The following CPNE5 variants were observed in gnomAD, a reference collection of about 807,000 sequenced individuals.
CPNE5 encodes the protein copine 5, also known as copine-5.
In CPNE5, 42 loss-of-function variants were observed where a neutral mutation model predicts 81.1. That is an observed-to-expected ratio of 0.52 (90% CI 0.40 to 0.67). The LOEUF is 0.67. Ranked by LOEUF, CPNE5 falls within the 30% of genes least tolerant of loss-of-function variation. CPNE5 has a pLI of 0.00. For missense variants in CPNE5, 612 were observed against 815.5 expected (o/e 0.75, Z 3.04); for synonymous variants, 313 against 321.5 (o/e 0.97, Z 0.28).
At chr6:36,788,600 G>A (rs1768809977) in intron 8 of CPNE5, among the ~76,000 whole-genome samples, 1 of 152,152 alleles carries the variant, frequency 6.6e-6, no homozygotes, top group Non-Finnish European at 1.5e-5. Context: ...AAATAAGAGG[G>A]TCTCGGTAAA....
chr6:36,822,012 G>T, intron 3 of CPNE5, 102 bp downstream of exon 3: 1 of 1,080,708 alleles, frequency 9.3e-7, no homozygotes, highest in Non-Finnish European at 1.3e-6. Flanking sequence ...GGGCTTGGAT[G>T]CTGCAGTTAG....
intron 1 of CPNE5, among the ~76,000 whole-genome samples, chr6:36,834,922 A>C (rs1773340562): frequency 6.6e-6 from 1 of 151,538 alleles, no homozygotes; most frequent in Admixed American, 6.6e-5. Context: ...AGCTGTTCAC[A>C]CCCCTTCTGA....
intron 10 of CPNE5, among the ~76,000 whole-genome samples, chr6:36,774,099 A>T (rs1284565668): frequency 6.8e-6 from 1 of 146,120 alleles, no homozygotes; most frequent in Non-Finnish European, 1.5e-5. Flanking sequence ...AAAAAAAAAA[A>T]TCTGCCAGGC....
chr6:36,795,107 T>C (rs1041827962), intron 6 of CPNE5, among the ~76,000 whole-genome samples: 4 of 152,206 alleles, frequency 2.6e-5, no homozygotes, highest in South Asian at 4.1e-4. Flanking sequence ...CCAAAATTCA[T>C]GTATTGAAAT....
At chr6:36,780,051 G>A (rs543399922) in intron 8 of CPNE5, among the ~76,000 whole-genome samples, 5 of 150,642 alleles carry the variant, frequency 3.3e-5, no homozygotes, top group African/African-American at 9.8e-5. Context: ...TGCAAGCTCC[G>A]CCTCCCAGGT....
intron 8 of CPNE5, among the ~76,000 whole-genome samples, chr6:36,784,868 G>T (rs1368876029): frequency 1.3e-5 from 2 of 151,740 alleles, no homozygotes; most frequent in African/African-American, 4.8e-5. Context: ...GAGCCCAAGA[G>T]GTGGAGGTTG....
intron 10 of CPNE5, among the ~76,000 whole-genome samples, chr6:36,769,977 T>A (rs1175409756): frequency 2.6e-5 from 4 of 152,208 alleles, no homozygotes; most frequent in African/African-American, 9.7e-5. Flanking sequence ...TCATTCAGCA[T>A]CAAGGTGTGA....
chr6:36,748,094 G>A (rs1764384103), intron 15 of CPNE5, 127 bp downstream of exon 15: 4 of 867,500 alleles, frequency 4.6e-6, no homozygotes, highest in South Asian at 4.2e-5. Flanking sequence ...TCCAGACCTA[G>A]GTACATCCTC....
chr6:36,754,025 A>G (rs1449223385), intron 13 of CPNE5, among the ~76,000 whole-genome samples: 1 of 152,114 alleles, frequency 6.6e-6, no homozygotes, highest in African/African-American at 2.4e-5. Flanking sequence ...ATTGTGGTTA[A>G]GGTATTAGGC....
chr6:36,743,568 G>T, intron 20 of CPNE5, 121 bp downstream of exon 20: 1 of 959,064 alleles, frequency 1.0e-6, no homozygotes, highest in Non-Finnish European at 1.6e-6. Flanking sequence ...GGGCCACTTT[G>T]GGGCTCCCAG....
At chr6:36,820,854 G>A (rs1210227757) in intron 3 of CPNE5, among the ~76,000 whole-genome samples, 27 of 152,016 alleles carry the variant, frequency 1.8e-4, no homozygotes, top group Admixed American at 1.6e-3. Context: ...AGCTGAGGCC[G>A]GAGGATCGTT....
intron 1 of CPNE5, among the ~76,000 whole-genome samples, chr6:36,825,940 C>T (rs1027385549): frequency 3.3e-5 from 5 of 152,126 alleles, no homozygotes; most frequent in Non-Finnish European, 5.9e-5. Context: ...ATAAAATCCT[C>T]GAATGTTCAA....
intron 1 of CPNE5, chr6:36,827,292 C>T: frequency 1.0e-6 from 1 of 983,394 alleles, no homozygotes; most frequent in Non-Finnish European, 1.2e-6. Context: ...AACTGCCTGT[C>T]CAGACAGAAC....
chr6:36,836,974 A>T (rs939050827), intron 1 of CPNE5, among the ~76,000 whole-genome samples: 1 of 152,178 alleles, frequency 6.6e-6, no homozygotes, highest in Admixed American at 6.5e-5. Context: ...CAGCTCATGG[A>T]TCATGTCCCC....
intron 1 of CPNE5, among the ~76,000 whole-genome samples, chr6:36,834,090 A>C (rs974739863): frequency 6.7e-6 from 1 of 150,170 alleles, no homozygotes; most frequent in African/African-American, 2.5e-5. Flanking sequence ...AAAAAAAATC[A>C]AAAAAAATTT....
chr6:36,796,594 G>A (rs905079091), intron 6 of CPNE5, among the ~76,000 whole-genome samples: 1 of 152,228 alleles, frequency 6.6e-6, no homozygotes, highest in Non-Finnish European at 1.5e-5. Flanking sequence ...TGTTCCTAGA[G>A]AAAGAATATA....
chr6:36,768,885 G>A (rs1035653082), intron 10 of CPNE5, among the ~76,000 whole-genome samples: 2 of 152,160 alleles, frequency 1.3e-5, no homozygotes, highest in Non-Finnish European at 2.9e-5. Flanking sequence ...CTGTTGCCCC[G>A]AGCAACTGGC....
rs576560168 is a variant in CPNE5 at position 36,746,201 on chromosome 6, A to T, written c.1200+195T>A. ...CAGCTGTGGGCAGGCAGCTTCAGAC[A>T]TGGAGGGGCAGCATCTGTGATCAGG... On this transcript the variant is annotated intron_variant, in intron 16 of 20. Transcript: ENST00000244751. The surrounding 1 kb of genome is among the most constrained non-coding windows in gnomAD (Gnocchi z 4.5). The T allele has an allele frequency of 4.1e-6, 4 of 985,382 alleles. No homozygotes were observed. In the African/African-American group the frequency reaches 5.2e-5, roughly 13 times the overall value. 61.0% of individuals were successfully genotyped at this position (985,382 alleles called of 1,614,324 possible). A position where few individuals can be genotyped will look rare whatever the true frequency, so the allele number is the denominator to read the frequency against.
chr6:36,779,047 C>T (rs916067538), intron 8 of CPNE5, 90 bp from the exon 9 acceptor site: 3 of 864,096 alleles, frequency 3.5e-6, no homozygotes, highest in African/African-American at 1.6e-5. Flanking sequence ...GTCCAGGCAC[C>T]AGCCCTGGTT....
Sources: allele counts gnomAD v4.1 joint callset (sites outside exome capture counted in the v4.1 genomes callset), GRCh38; gene constraint gnomAD v4.1.1; non-coding constraint Gnocchi (gnomAD v3.1); transcripts MANE v1.5; gene names NCBI Gene and HGNC (gene_info 2026-07-23, HGNC 2026-07-21).